Variants in NR3C2 observed in about 807,000 individuals in gnomAD.
NR3C2 encodes the protein nuclear receptor subfamily 3 group C member 2.
In NR3C2, 15 loss-of-function variants were observed where a neutral mutation model predicts 86.4. The observed-to-expected ratio is 0.17, with a 90% confidence interval of 0.12 to 0.27. The LOEUF (loss-of-function observed/expected upper bound fraction) is 0.27, where lower values mean the gene tolerates loss of function less well. Among genes scored for constraint, NR3C2 ranks in the 10% least tolerant of loss-of-function variants. The probability of loss-of-function intolerance (pLI) is 1.00; values close to 1 mark genes in which losing one functional copy is unlikely to be tolerated. For synonymous variants in NR3C2, 458 were observed against 450.5 expected (o/e 1.02, Z -0.21); for missense variants, 960 against 1,195.6 (o/e 0.80, Z 2.91).
chr4:148,206,794 G>C (rs990438065), intron 3 of NR3C2, among the ~76,000 whole-genome samples: 1 of 152,198 alleles, frequency 6.6e-6, no homozygotes, highest in East Asian at 1.9e-4. Flanking sequence ...TAGATCATAA[G>C]TGTGCTGGAG....
chr4:148,319,877 C>A (rs1230253186), intron 2 of NR3C2, among the ~76,000 whole-genome samples: 2 of 140,196 alleles, frequency 1.4e-5, no homozygotes, highest in East Asian at 4.3e-4. Flanking sequence ...ATTTCCTTCT[C>A]CTGCCTAATT....
At chr4:148,370,960 A>G (rs1413822279) in intron 2 of NR3C2, among the ~76,000 whole-genome samples, 1 of 152,112 alleles carries the variant, frequency 6.6e-6, no homozygotes, top group Non-Finnish European at 1.5e-5. Context: ...TGGAACTCCT[A>G]GACTCAAACA....
intron 2 of NR3C2, among the ~76,000 whole-genome samples, chr4:148,282,676 G>A (rs1402238613): frequency 6.6e-6 from 1 of 152,164 alleles, no homozygotes; most frequent in East Asian, 1.9e-4. Context: ...AGTTGGAGGG[G>A]GTGCAGTCCC....
At chr4:148,117,899 C>T (rs975224025) in intron 7 of NR3C2, among the ~76,000 whole-genome samples, 8 of 152,236 alleles carry the variant, frequency 5.3e-5, no homozygotes, top group Non-Finnish European at 1.0e-4. Context: ...AGACTGGATA[C>T]TCCAGGTTGT....
intron 2 of NR3C2, among the ~76,000 whole-genome samples, chr4:148,297,864 G>T (rs1742139168): frequency 6.6e-6 from 1 of 151,412 alleles, no homozygotes; most frequent in Admixed American, 6.6e-5. Context: ...ACTCCAGCCT[G>T]GGCGACAAAA....
chr4:148,240,638 G>T (rs1392901140), intron 3 of NR3C2, among the ~76,000 whole-genome samples: 2 of 152,110 alleles, frequency 1.3e-5, no homozygotes, highest in Non-Finnish European at 2.9e-5. Context: ...CAGAAGTGAT[G>T]GACTTGTATC....
chr4:148,400,088 G>T (rs1216196855), intron 2 of NR3C2, among the ~76,000 whole-genome samples: 1 of 152,148 alleles, frequency 6.6e-6, no homozygotes, highest in Non-Finnish European at 1.5e-5. Flanking sequence ...GAATTATACT[G>T]GCATTTGTCA....
At chr4:148,374,627 T>C (rs1746583731) in intron 2 of NR3C2, among the ~76,000 whole-genome samples, 2 of 152,212 alleles carry the variant, frequency 1.3e-5, no homozygotes, top group South Asian at 2.1e-4. Context: ...GACCTCAGTA[T>C]AATAACCTAA....
rs577062444 is a variant in NR3C2 at position 148,227,175 on chromosome 4, A to G, written c.1898-32313T>C. On this transcript the variant is annotated intron_variant, in intron 3 of 8. Transcript: ENST00000358102. The stretch of plus-strand genomic sequence containing the variant: ...TCCAATCCAGGATCCTTGGTCTCCA[A>G]CCGACAGTCTCTCAGTTTTTGTTTT... 5.9e-5 allele frequency among the ~76,000 whole-genome samples: 9 copies of G among 152,286 alleles called. No individual in the cohort carries two copies. The East Asian group carries it at 1.3e-3, about 23-fold the overall frequency.
chr4:148,086,104 G>C (rs1730800077), intron 8 of NR3C2, among the ~76,000 whole-genome samples: 1 of 152,190 alleles, frequency 6.6e-6, no homozygotes, highest in African/African-American at 2.4e-5. Context: ...TAGAAAAAGA[G>C]AGACTCCTCC....
intron 2 of NR3C2, among the ~76,000 whole-genome samples, chr4:148,369,218 A>C (rs1422058281): frequency 1.3e-5 from 2 of 152,222 alleles, no homozygotes; most frequent in Admixed American, 6.5e-5. Context: ...ATGATTCTGT[A>C]CATGGCATTG....
At chr4:148,228,059 A>G (rs1412965934) in intron 3 of NR3C2, among the ~76,000 whole-genome samples, 1 of 152,180 alleles carries the variant, frequency 6.6e-6, no homozygotes, top group Non-Finnish European at 1.5e-5. Flanking sequence ...AAATGTAGAT[A>G]TGTTCACATA....
chr4:148,141,083 T>A (rs969909362), intron 6 of NR3C2, among the ~76,000 whole-genome samples: 1 of 152,216 alleles, frequency 6.6e-6, no homozygotes, highest in Non-Finnish European at 1.5e-5. Flanking sequence ...TTCTGACCCA[T>A]GTGCCAGAAA....
chr4:148,418,658 A>C (rs919043960), intron 2 of NR3C2, among the ~76,000 whole-genome samples: 1 of 152,194 alleles, frequency 6.6e-6, no homozygotes, highest in African/African-American at 2.4e-5. Context: ...CCTCTATTTC[A>C]ATTTTAATTG....
rs181073332 is a variant in NR3C2, at chr4:148,194,306, G to A, written c.2014+440C>T. 4.3e-3 allele frequency among the ~76,000 whole-genome samples: 655 copies of A among 152,234 alleles called. 5 individuals are homozygous for A. Among genetic ancestry groups the A allele is most frequent in the African/African-American group, 0.015 (620 of 41,538 alleles). Reference sequence around the variant, plus strand: ...TCTCCTCCTCTTTTGATGAGCCACTGTAACATTTCAAAGCTTTTTTCATAT... The same window carrying A: ...TCTCCTCCTCTTTTGATGAGCCACTATAACATTTCAAAGCTTTTTTCATAT... On this transcript the variant is annotated intron_variant, in intron 4 of 8. Coordinates refer to ENST00000358102, the MANE Select transcript of NR3C2 (RefSeq NM_000901.5).
intron 4 of NR3C2, among the ~76,000 whole-genome samples, chr4:148,182,963 T>TC (rs570482987): frequency 2.6e-5 from 4 of 152,148 alleles, no homozygotes; most frequent in South Asian, 2.1e-4. Context: ...ATGCTATACC[T>TC]CCCCCTCTGC....
At chr4:148,135,090 G>C (rs944974507) in intron 6 of NR3C2, among the ~76,000 whole-genome samples, 1 of 152,162 alleles carries the variant, frequency 6.6e-6, no homozygotes, top group African/African-American at 2.4e-5. Context: ...GAGAGGGAAG[G>C]AAAGGGGGCA....
chr4:148,108,609 A>G (rs1341253635), intron 8 of NR3C2, among the ~76,000 whole-genome samples: 2 of 152,116 alleles, frequency 1.3e-5, no homozygotes, highest in Non-Finnish European at 2.9e-5. Flanking sequence ...GAAAGCAGCT[A>G]TTCAGCAATG....
chr4:148,220,234 G>A lies in NR3C2; in HGVS notation c.1898-25372C>T, dbSNP rs114506907. Among the ~76,000 whole-genome samples the A allele has an allele frequency of 8.7e-3, 1,320 of 151,988 alleles. 19 individuals are homozygous for A. Among genetic ancestry groups the A allele is most frequent in the Non-Finnish European group, 0.012 (838 of 67,946 alleles). ...CCCAAGTAACTGAGACCACAGGCAC[G>A]CACCACCAAACCCAGATAATGTTTT... On this transcript the variant is annotated intron_variant, in intron 3 of 8. Coordinates refer to ENST00000358102, the MANE Select transcript of NR3C2 (RefSeq NM_000901.5).
Sources: allele counts gnomAD v4.1 joint callset (sites outside exome capture counted in the v4.1 genomes callset), GRCh38; gene constraint gnomAD v4.1.1; transcripts MANE v1.5; gene names NCBI Gene and HGNC (gene_info 2026-07-23, HGNC 2026-07-21).